Variants in C7orf78 observed in about 807,000 individuals in gnomAD.
C7orf78 encodes the protein chromosome 7 open reading frame 78.
chr7:12,514,199 T>C, the C7orf78 span, among the ~76,000 whole-genome samples: 1 of 152,216 alleles, frequency 6.6e-6, no homozygotes, highest in Non-Finnish European at 1.5e-5. Context: ...TTAGATTTAG[T>C]AAAATTTGCT....
the C7orf78 span, among the ~76,000 whole-genome samples, chr7:12,526,755 G>C: frequency 4.6e-5 from 7 of 151,942 alleles, no homozygotes; most frequent in Non-Finnish European, 1.0e-4. Context: ...ATGCCATCTA[G>C]CTGTGTAATT....
At chr7:12,538,360 T>A in the C7orf78 span, 1 of 152,176 alleles carries the variant, frequency 6.6e-6, no homozygotes, top group Admixed American at 6.5e-5. Flanking sequence ...TTTCTGCACC[T>A]GTCTCAATCA....
chr7:12,514,090 A>T, the C7orf78 span, among the ~76,000 whole-genome samples: 2 of 152,158 alleles, frequency 1.3e-5, no homozygotes, highest in Non-Finnish European at 2.9e-5. Context: ...TTTAAATTCA[A>T]TGTTTCTTTA....
At chr7:12,485,933 T>C in the C7orf78 span, among the ~76,000 whole-genome samples, 1 of 152,112 alleles carries the variant, frequency 6.6e-6, no homozygotes, top group Non-Finnish European at 1.5e-5. Flanking sequence ...ATAGATCCGA[T>C]AAATCACTAA....
the C7orf78 span, among the ~76,000 whole-genome samples, chr7:12,489,516 A>G: frequency 2.6e-5 from 4 of 152,158 alleles, no homozygotes; most frequent in Non-Finnish European, 5.9e-5. Flanking sequence ...TCAGAGAGGT[A>G]ACTTAGGACA....
At chr7:12,542,010 A>T in the C7orf78 span, 4 of 152,232 alleles carry the variant, frequency 2.6e-5, no homozygotes, top group African/African-American at 9.6e-5. Flanking sequence ...TTTGAGGGAA[A>T]GAAAACAAAT....
the C7orf78 span, among the ~76,000 whole-genome samples, chr7:12,537,575 G>A: frequency 1.3e-5 from 2 of 152,084 alleles, no homozygotes; most frequent in African/African-American, 4.8e-5. Flanking sequence ...TTCTAAAGTT[G>A]GATGTATACA....
chr7:12,502,951 G>T, the C7orf78 span, among the ~76,000 whole-genome samples: 1 of 151,252 alleles, frequency 6.6e-6, no homozygotes, highest in Non-Finnish European at 1.5e-5. Flanking sequence ...GATGAAATTG[G>T]AAGTCATCAT....
At chr7:12,497,941 G>T in the C7orf78 span, among the ~76,000 whole-genome samples, 1 of 141,042 alleles carries the variant, frequency 7.1e-6, no homozygotes, top group Non-Finnish European at 1.6e-5. Context: ...CCCCTGAGCA[G>T]CCTAACTGGG....
chr7:12,487,316 T>A, the C7orf78 span, among the ~76,000 whole-genome samples: 1 of 152,022 alleles, frequency 6.6e-6, no homozygotes, highest in South Asian at 2.1e-4. Flanking sequence ...GTCTTTGAGA[T>A]TGAAATCCAT....
chr7:12,484,588 T>C, the C7orf78 span, among the ~76,000 whole-genome samples: 6 of 152,332 alleles, frequency 3.9e-5, no homozygotes, highest in East Asian at 1.9e-4. Flanking sequence ...ATGTATAATG[T>C]ATAACGTATA....
the C7orf78 span, among the ~76,000 whole-genome samples, chr7:12,490,454 C>T: frequency 6.6e-6 from 1 of 151,866 alleles, no homozygotes; most frequent in African/African-American, 2.4e-5. Context: ...ATCAAGAAGG[C>T]CATGAAAACA....
the C7orf78 span, chr7:12,507,508 G>A: frequency 2.0e-5 from 4 of 200,492 alleles, no homozygotes; most frequent in South Asian, 4.3e-4. Flanking sequence ...GGAATGTAGA[G>A]AGCACTTGAG....
the C7orf78 span, among the ~76,000 whole-genome samples, chr7:12,537,028 C>G: frequency 2.0e-5 from 3 of 152,192 alleles, no homozygotes; most frequent in Non-Finnish European, 2.9e-5. Context: ...ACTGTTCCAA[C>G]CCCTGTCTGT....
chr7:12,491,051 G>C, the C7orf78 span: 1 of 151,948 alleles, frequency 6.6e-6, no homozygotes, highest in African/African-American at 2.4e-5. Flanking sequence ...AAGTATTCAG[G>C]ACCATCTACA....
chr7:12,514,305 A>G, the C7orf78 span, among the ~76,000 whole-genome samples: 3 of 152,058 alleles, frequency 2.0e-5, no homozygotes, highest in African/African-American at 7.3e-5. Flanking sequence ...ATATAACAAT[A>G]TTCTTTATCT....
chr7:12,509,097 C>T, the C7orf78 span, among the ~76,000 whole-genome samples: 1 of 152,202 alleles, frequency 6.6e-6, no homozygotes, highest in Non-Finnish European at 1.5e-5. Flanking sequence ...CACGAGATCA[C>T]TCACTGGTGC....
chr7:12,502,093 A>G, the C7orf78 span, among the ~76,000 whole-genome samples: 1 of 43,338 alleles, frequency 2.3e-5, no homozygotes, highest in East Asian at 5.2e-4. Flanking sequence ...AAGATGGATT[A>G]AAGACTTAAA....
At chr7:12,523,709 G>T in the C7orf78 span, among the ~76,000 whole-genome samples, 1 of 152,090 alleles carries the variant, frequency 6.6e-6, no homozygotes, top group Non-Finnish European at 1.5e-5. Flanking sequence ...AAGAGAACAG[G>T]TTGGGTTTAG....
Sources: gnomAD v4.1 joint callset for allele counts (sites outside exome capture counted in the v4.1 genomes callset) on GRCh38, gnomAD v4.1.1 for gene constraint, MANE v1.5 for transcripts, NCBI Gene and HGNC (gene_info 2026-07-23, HGNC 2026-07-21) for gene names.